SLCO3A1: variants seen among roughly 807,000 people sequenced by gnomAD.
The protein encoded by SLCO3A1 is PGE1 transporter.
SLCO3A1 carries 27 observed loss-of-function variants against 63.1 expected under a neutral mutation model. That is an observed-to-expected ratio of 0.43 (90% CI 0.32 to 0.59). The LOEUF is 0.59. Among genes scored for constraint, SLCO3A1 ranks in the 20% least tolerant of loss-of-function variants. The pLI is 0.09. For synonymous variants in SLCO3A1, 473 were observed against 409.9 expected (o/e 1.15, Z -1.86); for missense variants, 773 against 945.8 (o/e 0.82, Z 2.40).
chr15:92,021,116 C>T (rs954848972), intron 2 of SLCO3A1, among the ~76,000 whole-genome samples: 4 of 152,200 alleles, frequency 2.6e-5, no homozygotes, highest in Non-Finnish European at 5.9e-5. Flanking sequence ...CAGCCACTAT[C>T]CCTATCATCA....
At chr15:92,091,249 C>A (rs981858793) in intron 2 of SLCO3A1, among the ~76,000 whole-genome samples, 3 of 152,188 alleles carry the variant, frequency 2.0e-5, no homozygotes, top group Non-Finnish European at 2.9e-5. Context: ...AGAAAGCCTT[C>A]AGACCTCCCT....
At chr15:92,135,799 G>T (rs2048050004) in intron 7 of SLCO3A1, among the ~76,000 whole-genome samples, 1 of 152,192 alleles carries the variant, frequency 6.6e-6, no homozygotes, top group Non-Finnish European at 1.5e-5. Flanking sequence ...AAAGATCAAA[G>T]ATCTCACAGG....
chr15:92,128,408 C>T lies in SLCO3A1; in HGVS notation c.1431C>T (p.Cys477=), dbSNP rs2047951781. ...PYSPCNNNCE[C]QTDSFTPVCG... ...CGCCCTGCAATAATAACTGTGAATG[C>T]CAAACCGATTCCTTCACTCCAGTGT... The change falls in exon 7 of 10, where the codon TGC becomes TGT. Residue 477 remains cysteine (C), a synonymous_variant. Transcript: ENST00000318445. 1.9e-6 allele frequency: 3 copies of T among 1,614,172 alleles called. No individual in the cohort carries two copies. Among genetic ancestry groups the T allele is most frequent in the African/African-American group, 2.7e-5 (2 of 75,056 alleles).
chr15:92,122,633 A>C (rs894356415), intron 5 of SLCO3A1, among the ~76,000 whole-genome samples: 11 of 152,226 alleles, frequency 7.2e-5, no homozygotes, highest in Admixed American at 2.6e-4. Context: ...GCTGTGACCT[A>C]TCAGTTCCAT....
At chr15:92,082,819 G>T (rs546759847) in intron 2 of SLCO3A1, among the ~76,000 whole-genome samples, 95 of 152,278 alleles carry the variant, frequency 6.2e-4, no homozygotes, top group African/African-American at 2.1e-3. Context: ...TCACCACTGT[G>T]CCGTGATACC....
chr15:91,958,838 A>G (rs948677438), intron 2 of SLCO3A1, among the ~76,000 whole-genome samples: 1 of 152,224 alleles, frequency 6.6e-6, no homozygotes, highest in South Asian at 2.1e-4. Context: ...AAGTTAGTAC[A>G]GCCACTATGG....
intron 2 of SLCO3A1, among the ~76,000 whole-genome samples, chr15:91,974,378 G>A (rs953823667): frequency 2.6e-5 from 4 of 151,946 alleles, no homozygotes; most frequent in Non-Finnish European, 2.9e-5. Context: ...GAATAAAAAT[G>A]AGTTGTGTAA....
At chr15:91,946,841 A>T (rs1413777877) in intron 2 of SLCO3A1, among the ~76,000 whole-genome samples, 1 of 152,206 alleles carries the variant, frequency 6.6e-6, no homozygotes, top group East Asian at 1.9e-4. Flanking sequence ...GAGGAAGGGC[A>T]GGTCGGCGTC....
Position 91,957,026 on chromosome 15 carries a change from A to ATATATAGTATATATATACTATATATTAT in SLCO3A1, c.646+40568_646+40569insTATATAGTATATATATACTATATATTAT, listed in dbSNP as rs372562510. 7.1e-3 allele frequency among the ~76,000 whole-genome samples: 11 copies of ATATATAGTATATATATACTATATATTAT among 1,550 alleles called. 1 individual carries two copies. Among genetic ancestry groups the ATATATAGTATATATATACTATATATTAT allele is most frequent in the Non-Finnish European group, 9.0e-3 (10 of 1,108 alleles). 1.0% of individuals were successfully genotyped at this position (1,550 alleles called of 152,430 possible). ...TATATATATAATATATAGTATATAT[A>ATATATAGTATATATATACTATATATTAT]ATATATAATATATAGTATATATATA... On this transcript the variant is annotated intron_variant, in intron 2 of 9. Coordinates refer to ENST00000318445, the MANE Select transcript of SLCO3A1 (RefSeq NM_013272.4).
intron 2 of SLCO3A1, among the ~76,000 whole-genome samples, chr15:92,061,203 T>G (rs532393867): frequency 1.3e-5 from 2 of 152,362 alleles, no homozygotes; most frequent in East Asian, 3.9e-4. Context: ...TAAATGATCC[T>G]TGTTCTTCTG....
At chr15:91,982,710 C>G (rs1391364761) in intron 2 of SLCO3A1, among the ~76,000 whole-genome samples, 2 of 152,228 alleles carry the variant, frequency 1.3e-5, no homozygotes, top group African/African-American at 2.4e-5. Context: ...ATTTGAGTTG[C>G]TGACAAGTGA....
At chr15:92,107,708 G>GC (rs1567124106) in intron 4 of SLCO3A1, among the ~76,000 whole-genome samples, 2 of 152,122 alleles carry the variant, frequency 1.3e-5, no homozygotes, top group South Asian at 2.1e-4. Flanking sequence ...GACAGCAAAG[G>GC]CCCCCTGATA....
intron 2 of SLCO3A1, among the ~76,000 whole-genome samples, chr15:92,017,900 G>T (rs907903040): frequency 1.1e-4 from 16 of 152,136 alleles, no homozygotes; most frequent in Non-Finnish European, 1.5e-5. Flanking sequence ...TAGCACACTA[G>T]CCCACCACAT....
chr15:92,116,353 T>A (rs553250361), intron 4 of SLCO3A1, among the ~76,000 whole-genome samples: 1 of 152,320 alleles, frequency 6.6e-6, no homozygotes, highest in African/African-American at 2.4e-5. Context: ...GAAAACCTGT[T>A]TTCCCTAGAG....
In SLCO3A1 at chr15:91,954,387, C is replaced by T. The variant is rs11074027; in HGVS notation, c.646+37929C>T. On this transcript the variant is annotated intron_variant, in intron 2 of 9. Coordinates refer to ENST00000318445, the MANE Select transcript of SLCO3A1 (RefSeq NM_013272.4). This position sits in a 1 kb window ranked among gnomAD's most constrained non-coding sequence, Gnocchi z 4.7. ...GTGCTGAGCCTCAGCCAGGCGGAGACGGGCGGGTACTGCACAGAGTGAGGC... is the reference window on the plus strand; with the variant it reads ...GTGCTGAGCCTCAGCCAGGCGGAGATGGGCGGGTACTGCACAGAGTGAGGC... Among the ~76,000 whole-genome samples the T allele has an allele frequency of 0.23, 35,351 of 152,130 alleles. 4,772 individuals carry two copies. Among genetic ancestry groups the T allele is most frequent in the East Asian group, 0.37 (1,929 of 5,168 alleles).
intron 1 of SLCO3A1, among the ~76,000 whole-genome samples, chr15:91,905,282 C>T (rs1487229267): frequency 6.6e-6 from 1 of 152,172 alleles, no homozygotes; most frequent in Non-Finnish European, 1.5e-5. Flanking sequence ...ACCAATGTTT[C>T]TGATAGTGTA....
intron 2 of SLCO3A1, among the ~76,000 whole-genome samples, chr15:92,057,131 C>T (rs1260923726): frequency 6.6e-6 from 1 of 152,192 alleles, no homozygotes; most frequent in African/African-American, 2.4e-5. Context: ...CTGGCAGGCA[C>T]ATAAGTCCAT....
chr15:91,899,993 T>C (rs1418914523), intron 1 of SLCO3A1, among the ~76,000 whole-genome samples: 2 of 152,264 alleles, frequency 1.3e-5, no homozygotes, highest in Non-Finnish European at 1.5e-5. Context: ...TAGTAGATAC[T>C]GTATTTATCA....
Position 91,865,658 on chromosome 15 carries a change from C to T in SLCO3A1, c.180+11570C>T, listed in dbSNP as rs531138947. 3.2e-4 allele frequency among the ~76,000 whole-genome samples: 48 copies of T among 152,286 alleles called. No homozygotes were observed. Among genetic ancestry groups the T allele is most frequent in the Non-Finnish European group, 7.3e-5 (5 of 68,034 alleles). On this transcript the variant is annotated intron_variant, in intron 1 of 9. Coordinates refer to ENST00000318445, the MANE Select transcript of SLCO3A1 (RefSeq NM_013272.4). The surrounding 1 kb of genome is among the most constrained non-coding windows in gnomAD (Gnocchi z 4.6). The stretch of plus-strand genomic sequence containing the variant: ...GCAGCTGCATCACTCCCATCTCTGC[C>T]TTTGCTGTCACATGGTGTTTCCCCC...
Sources: allele counts gnomAD v4.1 joint callset (sites outside exome capture counted in the v4.1 genomes callset), GRCh38; gene constraint gnomAD v4.1.1; non-coding constraint Gnocchi (gnomAD v3.1); transcripts MANE v1.5; gene names NCBI Gene and HGNC (gene_info 2026-07-23, HGNC 2026-07-21).